Variants in RFLNA observed in about 807,000 individuals in gnomAD.
RFLNA encodes the protein refilin A, also known as refilin-A.
In RFLNA, 5 loss-of-function variants were observed where a neutral mutation model predicts 7.8. That is an observed-to-expected ratio of 0.64 (90% confidence interval 0.34 to 1.35). The LOEUF (loss-of-function observed/expected upper bound fraction) is 1.35. Ranked by LOEUF, RFLNA falls within the 40% of genes most tolerant of loss-of-function variation. The probability of loss-of-function intolerance (pLI) is 0.04; values close to 1 mark genes in which losing one functional copy is unlikely to be tolerated. For synonymous variants in RFLNA, 141 were observed against 131.3 expected (o/e 1.07, Z -0.50); for missense variants, 278 against 305.5 (o/e 0.91, Z 0.67).
Position 124,295,320 on chromosome 12 carries a change from C to A in RFLNA, c.-110C>A. 2 of 503,256 alleles carry A rather than the reference C, an allele frequency of 4.0e-6. No homozygotes were observed. Among genetic ancestry groups the A allele is most frequent in the Non-Finnish European group, 5.8e-6 (2 of 346,186 alleles). The allele number at this position is 503,256 out of a possible 1,614,324, so 31.2% of individuals were successfully genotyped here. ...TGATCGCCGCCTCTCGCGGTGCCCG[C>A]AGGTCCCCGGGCGCGCAGCTCTCGC... On this transcript the variant is annotated 5_prime_UTR_variant, in exon 1 of 3. Transcript: ENST00000546355.
At chr12:124,303,654 C>T (rs1449352393) in intron 1 of RFLNA, among the ~76,000 whole-genome samples, 2 of 152,252 alleles carry the variant, frequency 1.3e-5, no homozygotes, top group Admixed American at 6.5e-5. Context: ...CTGAGCCCCC[C>T]AGGAAACCAC....
intron 1 of RFLNA, among the ~76,000 whole-genome samples, chr12:124,298,295 G>GC (rs1011126330): frequency 1.1e-4 from 16 of 152,022 alleles, no homozygotes; most frequent in Admixed American, 3.3e-4. Context: ...CATTAAAGAG[G>GC]CCCCCCCACT....
intron 1 of RFLNA, among the ~76,000 whole-genome samples, chr12:124,296,130 C>CTT: frequency 7.9e-4 from 1 of 1,262 alleles, no homozygotes; most frequent in Admixed American, 0.015. Flanking sequence ...CTTTCTCTCT[C>CTT]TCTCTCTCTT....
Position 124,314,886 on chromosome 12 carries a change from G to T in RFLNA, c.*361G>T. On this transcript the variant is annotated 3_prime_UTR_variant, in exon 3 of 3. Transcript: ENST00000546355. ...AACAGCCCCGAGCAGTGTGAGGACA[G>T]AGGCATCCCAGCCTCAGCCGGTGGG... is the stretch of plus-strand genomic sequence containing the variant. The T allele has an allele frequency of 2.4e-6, 1 of 410,498 alleles. No homozygotes were observed. The allele number at this position is 410,498 out of a possible 1,614,324, so 25.4% of individuals were successfully genotyped here. A position where few individuals can be genotyped will look rare whatever the true frequency, so the allele number is the denominator to read the frequency against.
chr12:124,310,179 A>AAAAAAAAAAAAAAAAAAAAAAAAG (rs1435905406), intron 1 of RFLNA, among the ~76,000 whole-genome samples: 1 of 141,854 alleles, frequency 7.0e-6, no homozygotes, highest in Non-Finnish European at 1.5e-5. Flanking sequence ...TCTCAAAAAA[A>AAAAAAAAAAAAAAAAAAAAAAAAG]AAAAAAAAAA....
chr12:124,299,968 C>T (rs1038668853), intron 1 of RFLNA, among the ~76,000 whole-genome samples: 1 of 152,226 alleles, frequency 6.6e-6, no homozygotes, highest in African/African-American at 2.4e-5. Context: ...TGAGGCAGAT[C>T]TATCTCCCTA....
chr12:124,298,378 G>A (rs2033968340), intron 1 of RFLNA, among the ~76,000 whole-genome samples: 1 of 152,134 alleles, frequency 6.6e-6, no homozygotes, highest in Non-Finnish European at 1.5e-5. Context: ...GAAGCGGCTG[G>A]CTGTAAGATC....
At chr12:124,302,688 G>A (rs919427400) in intron 1 of RFLNA, among the ~76,000 whole-genome samples, 4 of 152,130 alleles carry the variant, frequency 2.6e-5, no homozygotes, top group South Asian at 2.1e-4. Flanking sequence ...AGCCCAGCCC[G>A]TGCGCTTTGG....
chr12:124,290,355 T>C (rs1165437134), upstream of RFLNA, among the ~76,000 whole-genome samples: 2 of 149,686 alleles, frequency 1.3e-5, no homozygotes, highest in African/African-American at 4.9e-5. This position sits in a 1 kb window ranked among gnomAD's most constrained non-coding sequence, Gnocchi z 4.0. Flanking sequence ...TGCATATGTG[T>C]ATGTGTGTAT....
intron 1 of RFLNA, among the ~76,000 whole-genome samples, chr12:124,299,470 C>A (rs2033988847): frequency 6.6e-6 from 1 of 152,254 alleles, no homozygotes; most frequent in African/African-American, 2.4e-5. Context: ...GCAGTACACA[C>A]TGAACCCAAT....
At chr12:124,300,166 T>C (rs2034001009) in intron 1 of RFLNA, among the ~76,000 whole-genome samples, 1 of 152,242 alleles carries the variant, frequency 6.6e-6, no homozygotes, top group Admixed American at 6.5e-5. Flanking sequence ...TCTGAGCTGT[T>C]GCTGCCTCCC....
intron 1 of RFLNA, 53 bp downstream of exon 1, chr12:124,295,689 G>A: frequency 8.1e-7 from 1 of 1,229,600 alleles, no homozygotes; most frequent in Non-Finnish European, 1.0e-6. Context: ...GGGTGGGTGA[G>A]GGCTGCCCCC....
intron 1 of RFLNA, among the ~76,000 whole-genome samples, chr12:124,300,319 G>C (rs542630024): frequency 6.6e-6 from 1 of 152,312 alleles, no homozygotes; most frequent in East Asian, 1.9e-4. Context: ...GTGTACGTGA[G>C]AGCTTCCCTA....
At chr12:124,303,861 G>A (rs918665608) in intron 1 of RFLNA, among the ~76,000 whole-genome samples, 1 of 152,226 alleles carries the variant, frequency 6.6e-6, no homozygotes, top group Non-Finnish European at 1.5e-5. Context: ...GTGGGGGTGG[G>A]GAGCGGGCCT....
At chr12:124,297,614 G>C (rs1291893941) in intron 1 of RFLNA, among the ~76,000 whole-genome samples, 4 of 152,346 alleles carry the variant, frequency 2.6e-5, no homozygotes, top group African/African-American at 7.2e-5. Context: ...GCTAGACCCA[G>C]AGAGTCTGAC....
rs116090335 is a variant in RFLNA at position 124,314,251 on chromosome 12, C to T, written c.377C>T (p.Ala126Val). The change falls in exon 3 of 3, where the codon GCG (alanine) becomes GTG (valine). Residue 126 changes from alanine (A) to valine (V), a missense_variant. Physicochemically the swap from Ala to Val is moderately conservative, Grantham distance 64. Coordinates refer to ENST00000546355, the MANE Select transcript of RFLNA (RefSeq NM_001365156.1). The stretch of plus-strand genomic sequence containing the variant: ...CATTTCCAGGACAAGGTCTTCTATG[C>T]GCCCGTACCCACCGTCACGGCCTAC... ...EKHFQDKVFY[A>V]PVPTVTAYSE... The T allele has an allele frequency of 5.3e-4, 863 of 1,613,642 alleles. 2 individuals are homozygous for T. The African/African-American group carries it at 9.1e-3, about 17-fold the overall frequency.
intron 1 of RFLNA, among the ~76,000 whole-genome samples, chr12:124,302,550 C>G (rs181715808): frequency 6.6e-6 from 1 of 152,110 alleles, no homozygotes; most frequent in African/African-American, 2.4e-5. Context: ...AAGACCCACC[C>G]CTGCCCCGGC....
At chr12:124,302,787 G>GGGGCCGAGGTCAA (rs1566324162) in intron 1 of RFLNA, among the ~76,000 whole-genome samples, 1 of 39,894 alleles carries the variant, frequency 2.5e-5, no homozygotes, top group Admixed American at 3.8e-4. Context: ...CCGAGGTCAG[G>GGGGCCGAGGTCAA]GGGCCGAGGT....
intron 1 of RFLNA, among the ~76,000 whole-genome samples, chr12:124,310,690 C>G (rs1286237693): frequency 6.6e-6 from 1 of 152,102 alleles, no homozygotes. Context: ...ATGGTCTTTG[C>G]TTCCACAGGG....
Sources: allele counts gnomAD v4.1 joint callset (sites outside exome capture counted in the v4.1 genomes callset), GRCh38; gene constraint gnomAD v4.1.1; non-coding constraint Gnocchi (gnomAD v3.1); transcripts MANE v1.5; gene names NCBI Gene and HGNC (gene_info 2026-07-23, HGNC 2026-07-21).